Variants in CSMD3 observed in about 807,000 individuals in gnomAD.
The protein encoded by CSMD3 is CUB and sushi domain-containing protein 3.
CSMD3 carries 177 observed loss-of-function variants against 435.2 expected under a neutral mutation model. That is an observed-to-expected ratio of 0.41 (90% CI 0.36 to 0.46). The LOEUF (loss-of-function observed/expected upper bound fraction) is 0.46, where lower values mean the gene tolerates loss of function less well. Ranked by LOEUF, CSMD3 falls within the 20% of genes least tolerant of loss-of-function variation. The pLI is 0.34. For synonymous variants in CSMD3, 1,656 were observed against 1,520.5 expected (o/e 1.09, Z -2.07); for missense variants, 4,265 against 4,504.6 (o/e 0.95, Z 1.52).
Position 113,047,252 on chromosome 8 carries a change from G to C in CSMD3, c.918-28073C>G, listed in dbSNP as rs565378009. On this transcript the variant is annotated intron_variant, in intron 5 of 70. Transcript: ENST00000297405. ...TACCATTTCTTCACTTATATTTCTT[G>C]TCTATCTCTTACTTAAAATGTAAGC... Among the ~76,000 whole-genome samples the C allele has an allele frequency of 5.3e-5, 8 of 152,194 alleles. No homozygotes were observed. In the East Asian group the frequency reaches 1.5e-3, roughly 29 times the overall value.
intron 6 of CSMD3, among the ~76,000 whole-genome samples, chr8:112,977,099 G>T (rs1172875623): frequency 1.3e-5 from 2 of 151,870 alleles, no homozygotes; most frequent in African/African-American, 4.8e-5. Flanking sequence ...AAAGGAGGTT[G>T]TTCATGGTAG....
At chr8:113,381,263 A>G (rs1160262939) in intron 1 of CSMD3, among the ~76,000 whole-genome samples, 1 of 152,218 alleles carries the variant, frequency 6.6e-6, no homozygotes, top group Non-Finnish European at 1.5e-5. Flanking sequence ...AATAATTTAT[A>G]TAACATATTT....
intron 10 of CSMD3, among the ~76,000 whole-genome samples, chr8:112,887,637 T>C (rs918429108): frequency 6.6e-6 from 1 of 151,532 alleles, no homozygotes; most frequent in South Asian, 2.1e-4. Flanking sequence ...ACATTTTCTG[T>C]GTATTATTTT....
intron 49 of CSMD3, 97 bp downstream of exon 49, chr8:112,313,809 T>A (rs1160500079): frequency 2.1e-6 from 2 of 966,186 alleles, no homozygotes; most frequent in African/African-American, 3.2e-5. Flanking sequence ...AGCTGTGATT[T>A]GAATTCATGT....
At chr8:113,248,266 TTACGTG>T (rs2093296745) in intron 3 of CSMD3, among the ~76,000 whole-genome samples, 1 of 151,562 alleles carries the variant, frequency 6.6e-6, no homozygotes, top group Non-Finnish European at 1.5e-5. Flanking sequence ...TTTACCTATC[TTACGTG>T]TACCATTTTT....
At chr8:112,405,214 CATATATATATATAT>C (rs71309768) in intron 35 of CSMD3, among the ~76,000 whole-genome samples, 9 of 19,066 alleles carry the variant, frequency 4.7e-4, no homozygotes, top group African/African-American at 2.0e-3. Flanking sequence ...AAAAAACCCC[CATATATATATATAT>C]ATATATATAT....
chr8:112,744,295 A>T (rs1196741969), intron 13 of CSMD3, among the ~76,000 whole-genome samples: 1 of 152,088 alleles, frequency 6.6e-6, no homozygotes, highest in Non-Finnish European at 1.5e-5. Context: ...TTAAAGAATG[A>T]TGCCTTACTC....
intron 5 of CSMD3, among the ~76,000 whole-genome samples, chr8:113,042,715 G>A (rs1224887281): frequency 1.3e-5 from 2 of 151,798 alleles, no homozygotes; most frequent in Admixed American, 6.6e-5. Flanking sequence ...GTGTACTTTC[G>A]AACAGAAATA....
chr8:112,667,645 A>C (rs1464380915), intron 16 of CSMD3, among the ~76,000 whole-genome samples: 6 of 152,204 alleles, frequency 3.9e-5, no homozygotes, highest in African/African-American at 1.4e-4. Flanking sequence ...GCCTTGTCTC[A>C]GAACTCCCCT....
At chr8:112,734,530 T>C (rs2077144185) in intron 13 of CSMD3, among the ~76,000 whole-genome samples, 1 of 152,110 alleles carries the variant, frequency 6.6e-6, no homozygotes, top group Non-Finnish European at 1.5e-5. Flanking sequence ...TGTGAGACTT[T>C]TGTCTCAGAG....
intron 10 of CSMD3, 57 bp from the exon 11 acceptor site, chr8:112,859,323 A>T (rs2080758756): frequency 7.0e-7 from 1 of 1,429,110 alleles, no homozygotes; most frequent in African/African-American, 1.4e-5. Context: ...AAATTACAAC[A>T]ATAAAATATC....
At chr8:113,305,588 T>C (rs2093813696) in intron 2 of CSMD3, among the ~76,000 whole-genome samples, 4 of 152,224 alleles carry the variant, frequency 2.6e-5, no homozygotes, top group Admixed American at 2.6e-4. Flanking sequence ...TTTAATTTAG[T>C]CTATTTCTTC....
At chr8:112,600,570 A>C (rs907780832) in intron 22 of CSMD3, among the ~76,000 whole-genome samples, 1 of 152,210 alleles carries the variant, frequency 6.6e-6, no homozygotes, top group Non-Finnish European at 1.5e-5. Context: ...TCCTTTATGC[A>C]ACAGTTTTGT....
At chr8:112,899,635 A>G (rs2082051795) in intron 10 of CSMD3, among the ~76,000 whole-genome samples, 1 of 115,676 alleles carries the variant, frequency 8.6e-6, no homozygotes, top group Admixed American at 9.9e-5. Flanking sequence ...ATATATATGT[A>G]TATACATATA....
intron 3 of CSMD3, among the ~76,000 whole-genome samples, chr8:113,232,414 C>A (rs749183429): frequency 1.3e-5 from 2 of 151,476 alleles, no homozygotes; most frequent in South Asian, 2.1e-4. Flanking sequence ...CATATTTTAA[C>A]GTGCACGAAA....
chr8:112,791,319 G>GGAAAAA lies in CSMD3; in HGVS notation c.1972+8842_1972+8843insTTTTTC, dbSNP rs56289713. Among the ~76,000 whole-genome samples, 8 of 103,180 alleles carry GGAAAAA rather than the reference G, an allele frequency of 7.8e-5. 1 individual carries two copies. The highest frequency in any genetic ancestry group is 1.0e-4 in the Admixed American group (1 of 9,932). 67.7% of individuals were successfully genotyped at this position (103,180 alleles called of 152,430 possible). A position where few individuals can be genotyped will look rare whatever the true frequency, so the allele number is the denominator to read the frequency against. ...CCTGGGTGACAGAGGCATATCCTGT[G>GGAAAAA]AAAAAAAAAAAAAAAAAAAAAGGAA... On this transcript the variant is annotated intron_variant, in intron 13 of 70. Coordinates refer to ENST00000297405, the MANE Select transcript of CSMD3 (RefSeq NM_198123.2).
intron 24 of CSMD3, among the ~76,000 whole-genome samples, chr8:112,571,824 G>A (rs1265853818): frequency 2.0e-5 from 3 of 150,210 alleles, no homozygotes; most frequent in African/African-American, 4.9e-5. Context: ...AGCAAAGATC[G>A]CGCCATTGCA....
intron 13 of CSMD3, among the ~76,000 whole-genome samples, chr8:112,737,170 G>T (rs538980742): frequency 6.6e-6 from 1 of 152,014 alleles, no homozygotes; most frequent in South Asian, 2.1e-4. Context: ...TGAAGGTAAA[G>T]AGTGGGCAAT....
chr8:112,421,307 C>T (rs1812469675), intron 32 of CSMD3, among the ~76,000 whole-genome samples: 1 of 151,792 alleles, frequency 6.6e-6, no homozygotes, highest in African/African-American at 2.4e-5. Context: ...TTTTGAGAGG[C>T]CTAGGTGGGA....
Sources: allele counts gnomAD v4.1 joint callset (sites outside exome capture counted in the v4.1 genomes callset), GRCh38; gene constraint gnomAD v4.1.1; transcripts MANE v1.5; gene names NCBI Gene and HGNC (gene_info 2026-07-23, HGNC 2026-07-21).